TENM2: variants seen among roughly 807,000 people sequenced by gnomAD.
TENM2 encodes teneurin transmembrane protein 2, also known as teneurin-2.
In TENM2, 52 loss-of-function variants were observed where a neutral mutation model predicts 245.2. The ratio of observed to expected loss-of-function variants is 0.21; its 90% confidence interval spans 0.17 to 0.27. TENM2 has a LOEUF of 0.27. Among genes scored for constraint, TENM2 ranks in the 10% least tolerant of loss-of-function variants. The pLI, the probability that TENM2 is intolerant of heterozygous loss-of-function variation, is 1.00. For synonymous variants in TENM2, 1,363 were observed against 1,438.9 expected, an observed-to-expected ratio of 0.95 and a Z score of 1.19; for missense variants, 3,046 against 3,666.8, an observed-to-expected ratio of 0.83 and a Z score of 4.37.
intron 2 of TENM2, among the ~76,000 whole-genome samples, chr5:167,688,416 G>A (rs964562752): frequency 3.3e-5 from 5 of 152,170 alleles, no homozygotes; most frequent in Non-Finnish European, 7.3e-5. Flanking sequence ...TGTTGGGCAT[G>A]TAGACTGCAC....
At chr5:167,922,713 A>T (rs934094457) in intron 3 of TENM2, among the ~76,000 whole-genome samples, 1 of 152,076 alleles carries the variant, frequency 6.6e-6, no homozygotes, top group Non-Finnish European at 1.5e-5. Context: ...CCTCCTCCTT[A>T]ATTATCCTGT....
rs781349234 is a variant in TENM2, at chr5:168,104,871, C to T, written c.1813+6744C>T. On this transcript the variant is annotated intron_variant, in intron 9 of 28. Transcript: ENST00000518659. ...GTCAGTCGAGGGGACAGAACTTATT[C>T]GTACATTCAGTGAATGTGTGTGATC... 4.6e-5 allele frequency among the ~76,000 whole-genome samples: 7 copies of T among 152,264 alleles called. No individual in the cohort carries two copies. In the South Asian group the frequency reaches 6.2e-4, roughly 14 times the overall value.
chr5:167,580,344 G>T (rs1261180178), intron 2 of TENM2, among the ~76,000 whole-genome samples: 1 of 152,142 alleles, frequency 6.6e-6, no homozygotes, highest in Non-Finnish European at 1.5e-5. Context: ...ATTTAAATTT[G>T]GGGGGACATC....
intron 2 of TENM2, among the ~76,000 whole-genome samples, chr5:167,442,032 A>G (rs1764907607): frequency 6.6e-6 from 1 of 152,216 alleles, no homozygotes; most frequent in Non-Finnish European, 1.5e-5. Context: ...AATTTTAAAA[A>G]GAAAAGAAAA....
chr5:167,175,777 T>C, the TENM2 span, among the ~76,000 whole-genome samples: 2 of 152,206 alleles, frequency 1.3e-5, no homozygotes, highest in African/African-American at 4.8e-5. Flanking sequence ...GCATGCAATC[T>C]CGGCTCACTG....
At chr5:167,857,012 A>C (rs1310575262) in intron 2 of TENM2, among the ~76,000 whole-genome samples, 1 of 152,170 alleles carries the variant, frequency 6.6e-6, no homozygotes, top group African/African-American at 2.4e-5. Context: ...GAAAGATTAA[A>C]ACAGTGCAGA....
intron 3 of TENM2, among the ~76,000 whole-genome samples, chr5:167,883,291 C>G (rs1175386765): frequency 6.6e-6 from 1 of 152,232 alleles, no homozygotes; most frequent in Admixed American, 6.5e-5. Flanking sequence ...GCATTGTTAA[C>G]TTGCCTAGCA....
the TENM2 span, among the ~76,000 whole-genome samples, chr5:167,131,910 C>T: frequency 3.9e-5 from 6 of 152,176 alleles, no homozygotes; most frequent in Admixed American, 1.3e-4. Context: ...GCAACCTCCA[C>T]CTCCCAGGTT....
upstream of TENM2, among the ~76,000 whole-genome samples, chr5:167,280,783 T>TATC (rs1771006738): frequency 6.6e-6 from 1 of 151,736 alleles, no homozygotes; most frequent in Non-Finnish European, 1.5e-5. Flanking sequence ...TCTATCTATC[T>TATC]ATCTATCTAT....
chr5:167,495,897 A>G (rs1413618047), intron 2 of TENM2, among the ~76,000 whole-genome samples: 1 of 152,086 alleles, frequency 6.6e-6, no homozygotes, highest in Non-Finnish European at 1.5e-5. Flanking sequence ...TTGGTTAAAA[A>G]CTGATTCTCA....
chr5:167,034,427 G>C, the TENM2 span, among the ~76,000 whole-genome samples: 1 of 151,970 alleles, frequency 6.6e-6, no homozygotes, highest in Non-Finnish European at 1.5e-5. Context: ...TCAGGAGATC[G>C]AGACCATCCC....
Position 167,771,045 on chromosome 5 carries a change from A to G in TENM2, c.503-104941A>G, listed in dbSNP as rs1763368273. 2.0e-5 allele frequency among the ~76,000 whole-genome samples: 3 copies of G among 152,278 alleles called. No individual in the cohort carries two copies. In the South Asian group the frequency reaches 6.2e-4, roughly 32 times the overall value. The stretch of plus-strand genomic sequence containing the variant: ...CTGAGATTTAATATGAAGAGAAGAA[A>G]GAAGAGAATAAAAGAAGAAAGGAGA... On this transcript the variant is annotated intron_variant, in intron 2 of 28. Transcript: ENST00000518659.
chr5:168,156,922 C>T (rs903993480), intron 12 of TENM2, among the ~76,000 whole-genome samples: 24 of 152,260 alleles, frequency 1.6e-4, no homozygotes, highest in African/African-American at 5.8e-4. Flanking sequence ...CTGGGGCAGC[C>T]GTTCGGTTCA....
At chr5:168,151,584 G>A (rs76892636) in intron 12 of TENM2, among the ~76,000 whole-genome samples, 2,660 of 152,296 alleles carry the variant, frequency 0.017, 31 homozygotes, top group Middle Eastern at 0.037. Flanking sequence ...AGAAACTAAG[G>A]AATTGAAGAG....
chr5:168,222,422 G>A lies in TENM2; in HGVS notation c.5108+3423G>A, dbSNP rs372071402. The stretch of plus-strand genomic sequence containing the variant: ...TCCTTCTCCCAATCCAGCAACTGGG[G>A]AAGGGGCAAATGTCAGATCAAAGGA... On this transcript the variant is annotated intron_variant, in intron 23 of 28. Transcript: ENST00000518659. Among the ~76,000 whole-genome samples the A allele has an allele frequency of 4.0e-4, 61 of 152,336 alleles. 3 individuals carry two copies. In the South Asian group the frequency reaches 0.012, roughly 30 times the overall value.
intron 2 of TENM2, among the ~76,000 whole-genome samples, chr5:167,671,179 C>A (rs1755918969): frequency 1.3e-5 from 2 of 152,014 alleles, no homozygotes; most frequent in African/African-American, 4.8e-5. Context: ...CCCCATAGTT[C>A]CGTAGCAGTG....
In TENM2 at chr5:168,082,077, G is replaced by T. The variant is rs530957246; in HGVS notation, c.1516-8497G>T. 2.9e-3 allele frequency among the ~76,000 whole-genome samples: 449 copies of T among 152,272 alleles called. 1 individual carries two copies. Among genetic ancestry groups the T allele is most frequent in the African/African-American group, 0.01 (432 of 41,554 alleles). The stretch of plus-strand genomic sequence containing the variant: ...TCACTTTCAGGCACACCAATCAGAC[G>T]TAGATTTGGTCTTTTCACATAGTCC... On this transcript the variant is annotated intron_variant, in intron 7 of 28. Coordinates refer to ENST00000518659, the Ensembl canonical transcript of TENM2.
chr5:168,248,414 G>T, intron 27 of TENM2, 43 bp downstream of exon 29: 1 of 1,566,034 alleles, frequency 6.4e-7, no homozygotes, highest in Non-Finnish European at 8.7e-7. Context: ...CTCCCTCCAG[G>T]GTACTTGTTG....
At chr5:167,058,154 C>T in the TENM2 span, among the ~76,000 whole-genome samples, 3 of 152,064 alleles carry the variant, frequency 2.0e-5, no homozygotes, top group Non-Finnish European at 2.9e-5. Context: ...TTCAGGTTTC[C>T]GCTTGCTAAG....
Sources: allele counts gnomAD v4.1 joint callset (sites outside exome capture counted in the v4.1 genomes callset), GRCh38; gene constraint gnomAD v4.1.1; transcripts MANE v1.5; gene names NCBI Gene and HGNC (gene_info 2026-07-23, HGNC 2026-07-21).